The following HPGDS variants were observed in gnomAD, a reference collection of about 807,000 sequenced individuals.
HPGDS encodes hematopoietic prostaglandin D synthase.
Under a neutral mutation model 23.1 loss-of-function variants are expected in HPGDS, and 26 were observed. That is an observed-to-expected ratio of 1.13 (90% confidence interval 0.83 to 1.56). HPGDS has a LOEUF of 1.56. Ranked by LOEUF, HPGDS falls within the 40% of genes most tolerant of loss-of-function variation. The pLI is 0.00. For missense variants in HPGDS, 268 were observed against 236.4 expected, an observed-to-expected ratio of 1.13 and a Z score of -0.88; for synonymous variants, 95 against 77.9, an observed-to-expected ratio of 1.22 and a Z score of -1.16.
At chr4:94,316,487 A>G (rs1333666879) in intron 3 of HPGDS, among the ~76,000 whole-genome samples, 1 of 152,262 alleles carries the variant, frequency 6.6e-6, no homozygotes, top group African/African-American at 2.4e-5. Flanking sequence ...AGTAACCACA[A>G]TAATCTTCCC....
intron 2 of HPGDS, among the ~76,000 whole-genome samples, chr4:94,318,624 T>TA (rs1331607996): frequency 6.6e-6 from 1 of 152,142 alleles, no homozygotes; most frequent in Non-Finnish European, 1.5e-5. Flanking sequence ...AAAATTGATT[T>TA]AAAAAAATTT....
chr4:94,305,131 T>C (rs1455987291), intron 4 of HPGDS, among the ~76,000 whole-genome samples: 3 of 152,130 alleles, frequency 2.0e-5, no homozygotes, highest in Non-Finnish European at 4.4e-5. Flanking sequence ...TACCTAGCCA[T>C]AGGCACATAT....
At chr4:94,338,347 C>A (rs1208916751) in intron 1 of HPGDS, among the ~76,000 whole-genome samples, 1 of 151,472 alleles carries the variant, frequency 6.6e-6, no homozygotes, top group East Asian at 1.9e-4. Flanking sequence ...ATTGCTTGAA[C>A]CTGGGAGGCA....
intron 2 of HPGDS, among the ~76,000 whole-genome samples, chr4:94,331,093 G>C (rs1756727950): frequency 6.6e-6 from 1 of 152,220 alleles, no homozygotes; most frequent in South Asian, 2.1e-4. Flanking sequence ...AGCAGTATAT[G>C]AGTGGTTGAA....
chr4:94,330,246 G>A (rs1352174923), intron 2 of HPGDS, among the ~76,000 whole-genome samples: 3 of 152,218 alleles, frequency 2.0e-5, no homozygotes, highest in African/African-American at 7.2e-5. Context: ...TCAAGAAGTA[G>A]AGTCAGGGAT....
intron 2 of HPGDS, among the ~76,000 whole-genome samples, chr4:94,333,679 A>C (rs1756770191): frequency 6.6e-6 from 1 of 152,240 alleles, no homozygotes; most frequent in African/African-American, 2.4e-5. Context: ...GAAAATACAG[A>C]AATTCCATTT....
At chr4:94,304,713 T>A (rs1310692047) in intron 4 of HPGDS, among the ~76,000 whole-genome samples, 1 of 152,152 alleles carries the variant, frequency 6.6e-6, no homozygotes, top group Non-Finnish European at 1.5e-5. Flanking sequence ...TGCCTTTGTA[T>A]GATTTAATCA....
chr4:94,332,528 AACCTGGGT>A (rs1158121786), intron 2 of HPGDS, among the ~76,000 whole-genome samples: 2 of 152,204 alleles, frequency 1.3e-5, no homozygotes, highest in Non-Finnish European at 2.9e-5. Context: ...CAGGCACCCC[AACCTGGGT>A]GCTGCTGCAG....
intron 2 of HPGDS, among the ~76,000 whole-genome samples, chr4:94,331,160 G>A (rs1054581195): frequency 3.3e-5 from 5 of 152,178 alleles, no homozygotes; most frequent in South Asian, 2.1e-4. Flanking sequence ...ATATTCCTAA[G>A]TTAGGTTTTA....
chr4:94,337,096 C>A (rs1008848007), intron 1 of HPGDS, among the ~76,000 whole-genome samples: 1 of 152,072 alleles, frequency 6.6e-6, no homozygotes, highest in Admixed American at 6.5e-5. Flanking sequence ...TCCTGAGTAG[C>A]TGGGATTACA....
intron 1 of HPGDS, among the ~76,000 whole-genome samples, chr4:94,337,682 G>GA (rs924624604): frequency 2.6e-5 from 4 of 151,266 alleles, no homozygotes; most frequent in African/African-American, 7.3e-5. Context: ...CTCGAAAAAA[G>GA]AAAAAAAAGT....
At chr4:94,335,218 C>T (rs1047999165) in intron 1 of HPGDS, among the ~76,000 whole-genome samples, 7 of 152,198 alleles carry the variant, frequency 4.6e-5, no homozygotes, top group Non-Finnish European at 8.8e-5. Flanking sequence ...ACTACATCCA[C>T]GCTACTGGGT....
chr4:94,338,996 T>G (rs1490477631), intron 1 of HPGDS, among the ~76,000 whole-genome samples: 1 of 152,232 alleles, frequency 6.6e-6, no homozygotes, highest in African/African-American at 2.4e-5. Context: ...ATGCGGTATT[T>G]GCTCAGAGGT....
intron 5 of HPGDS, among the ~76,000 whole-genome samples, chr4:94,301,149 T>A (rs918206026): frequency 3.3e-5 from 5 of 152,228 alleles, no homozygotes; most frequent in African/African-American, 1.2e-4. Flanking sequence ...AATGTAGTTC[T>A]GTATCACCCA....
At chr4:94,321,004 A>G (rs1756496743) in intron 2 of HPGDS, among the ~76,000 whole-genome samples, 1 of 152,178 alleles carries the variant, frequency 6.6e-6, no homozygotes, top group Non-Finnish European at 1.5e-5. Context: ...TCCCAGCACC[A>G]TTTATTAAAT....
At chr4:94,328,786 G>T (rs1389558247) in intron 2 of HPGDS, among the ~76,000 whole-genome samples, 3 of 152,036 alleles carry the variant, frequency 2.0e-5, no homozygotes, top group Non-Finnish European at 4.4e-5. Flanking sequence ...TTCCCAACCA[G>T]TGCCTTAGTT....
chr4:94,316,550 A>G lies in HPGDS; in HGVS notation c.226+1323T>C, dbSNP rs143860135. 2.8e-4 allele frequency among the ~76,000 whole-genome samples: 42 copies of G among 150,900 alleles called. No homozygotes were observed. In the East Asian group the frequency reaches 4.9e-3, roughly 17 times the overall value. On this transcript the variant is annotated intron_variant, in intron 3 of 5. Transcript: ENST00000295256. Reference sequence around the variant, plus strand: ...TTTCTAGATAAAAACCTACAATTGCATAAGAAAAAAAGTCCATATTCTAGA... The same window carrying G: ...TTTCTAGATAAAAACCTACAATTGCGTAAGAAAAAAAGTCCATATTCTAGA...
intron 4 of HPGDS, among the ~76,000 whole-genome samples, chr4:94,304,927 TTG>T (rs1756112868): frequency 6.6e-6 from 1 of 152,010 alleles, no homozygotes; most frequent in Non-Finnish European, 1.5e-5. Context: ...AACTGATAAA[TTG>T]ATAGACTGCA....
At chr4:94,337,357 A>G (rs947379422) in intron 1 of HPGDS, among the ~76,000 whole-genome samples, 7 of 152,234 alleles carry the variant, frequency 4.6e-5, no homozygotes, top group South Asian at 2.1e-4. Context: ...TGAAGAAATT[A>G]TATTTTCTCC....
Sources: allele counts gnomAD v4.1 joint callset (sites outside exome capture counted in the v4.1 genomes callset), GRCh38; gene constraint gnomAD v4.1.1; transcripts MANE v1.5; gene names NCBI Gene and HGNC (gene_info 2026-07-23, HGNC 2026-07-21).